Variants in AGBL4 observed in about 807,000 individuals in gnomAD.
The protein encoded by AGBL4 is AGBL carboxypeptidase 4.
Under a neutral mutation model 66.4 loss-of-function variants are expected in AGBL4, and 58 were observed. That is an observed-to-expected ratio of 0.87 (90% CI 0.71 to 1.09). The LOEUF (loss-of-function observed/expected upper bound fraction) is 1.09. Among genes scored for constraint, AGBL4 ranks in the 50% least tolerant of loss-of-function variants. The pLI is 0.00. For missense variants in AGBL4, 579 were observed against 631.0 expected, an observed-to-expected ratio of 0.92 and a Z score of 0.88; for synonymous variants, 234 against 222.9, an observed-to-expected ratio of 1.05 and a Z score of -0.44.
chr1:49,352,996 T>C (rs1272622685), intron 3 of AGBL4, among the ~76,000 whole-genome samples: 1 of 152,224 alleles, frequency 6.6e-6, no homozygotes, highest in African/African-American at 2.4e-5. Context: ...TCTAGGTGAC[T>C]GTGTCTCATT....
chr1:48,887,308 C>T (rs1015625137), intron 5 of AGBL4, among the ~76,000 whole-genome samples: 2 of 152,088 alleles, frequency 1.3e-5, no homozygotes, highest in African/African-American at 4.8e-5. Flanking sequence ...ATTTCTGAGA[C>T]AACTAAAACC....
intron 3 of AGBL4, among the ~76,000 whole-genome samples, chr1:49,440,215 G>A (rs901384063): frequency 1.3e-4 from 20 of 151,788 alleles, no homozygotes; most frequent in South Asian, 4.2e-4. Context: ...GATTATAGGC[G>A]CCCGCCACCA....
At chr1:49,523,907 A>G (rs993976353) in intron 3 of AGBL4, among the ~76,000 whole-genome samples, 4 of 152,026 alleles carry the variant, frequency 2.6e-5, no homozygotes, top group African/African-American at 9.7e-5. Flanking sequence ...CCAAATAGCA[A>G]GGGCCTCAGT....
At chr1:50,012,196 C>T (rs1045647471) in intron 1 of AGBL4, among the ~76,000 whole-genome samples, 4 of 148,770 alleles carry the variant, frequency 2.7e-5, no homozygotes, top group African/African-American at 7.4e-5. Context: ...AGAATGTTTA[C>T]CAGAGGCTGA....
rs181261796 is a variant in AGBL4 at position 49,814,895 on chromosome 1, T to C, written c.157+36501A>G. Among the ~76,000 whole-genome samples, 446 of 152,220 alleles carry C rather than the reference T, an allele frequency of 2.9e-3. 4 individuals carry two copies. The highest frequency in any genetic ancestry group is 0.016 in the South Asian group (78 of 4,826). On this transcript the variant is annotated intron_variant, in intron 2 of 13. Coordinates refer to ENST00000371839, the MANE Select transcript of AGBL4 (RefSeq NM_032785.4). ...TTAATTTTTATTTTTTGTGGGAACATAGTAGGTGTATATATTTATGGGGTA... is the reference window on the plus strand; with the variant it reads ...TTAATTTTTATTTTTTGTGGGAACACAGTAGGTGTATATATTTATGGGGTA...
chr1:49,970,896 T>C (rs1658028204), intron 1 of AGBL4, among the ~76,000 whole-genome samples: 1 of 152,166 alleles, frequency 6.6e-6, no homozygotes, highest in Admixed American at 6.5e-5. Context: ...CAAAGTTATA[T>C]AACTCCTTGA....
chr1:49,765,658 T>G (rs551674266), intron 2 of AGBL4, among the ~76,000 whole-genome samples: 69 of 151,726 alleles, frequency 4.5e-4, no homozygotes, highest in Non-Finnish European at 8.2e-4. Flanking sequence ...ACAAAGAAGC[T>G]AAGCAAGATC....
chr1:49,117,577 A>C (rs1645553901), intron 4 of AGBL4, among the ~76,000 whole-genome samples: 1 of 152,008 alleles, frequency 6.6e-6, no homozygotes, highest in African/African-American at 2.4e-5. Context: ...GCATTAGTCT[A>C]TATATCTGTT....
intron 1 of AGBL4, among the ~76,000 whole-genome samples, chr1:49,865,294 C>T (rs1646674086): frequency 6.6e-6 from 1 of 152,166 alleles, no homozygotes; most frequent in South Asian, 2.1e-4. Flanking sequence ...GATCCCGTGC[C>T]TCCTGACTGG....
chr1:48,936,244 C>G (rs755606057), intron 5 of AGBL4, among the ~76,000 whole-genome samples: 3 of 152,102 alleles, frequency 2.0e-5, no homozygotes, highest in Non-Finnish European at 4.4e-5. Context: ...GCCTGGGTGA[C>G]AAAGTGATAT....
intron 6 of AGBL4, among the ~76,000 whole-genome samples, chr1:48,830,308 C>A (rs1424810090): frequency 2.6e-5 from 4 of 152,194 alleles, no homozygotes; most frequent in African/African-American, 9.7e-5. Context: ...CTCCACAGCC[C>A]TGTGAAATAG....
At chr1:49,611,133 G>A (rs1645146677) in intron 3 of AGBL4, among the ~76,000 whole-genome samples, 1 of 152,046 alleles carries the variant, frequency 6.6e-6, no homozygotes, top group Non-Finnish European at 1.5e-5. Flanking sequence ...CGCTTTAAGA[G>A]AAAAGAAATA....
At chr1:48,963,409 G>A (rs763752959) in intron 5 of AGBL4, among the ~76,000 whole-genome samples, 9 of 152,064 alleles carry the variant, frequency 5.9e-5, no homozygotes, top group Non-Finnish European at 1.0e-4. Context: ...GATCAGCTGA[G>A]CAGCCTCACT....
At chr1:48,784,754 G>A (rs749405447) in intron 6 of AGBL4, among the ~76,000 whole-genome samples, 1 of 152,076 alleles carries the variant, frequency 6.6e-6, no homozygotes, top group Non-Finnish European at 1.5e-5. Context: ...AGCTCATGTG[G>A]GTCACAAATG....
At chr1:48,676,663 G>A (rs1238141772) in intron 6 of AGBL4, among the ~76,000 whole-genome samples, 3 of 152,182 alleles carry the variant, frequency 2.0e-5, no homozygotes, top group African/African-American at 4.8e-5. Context: ...GCCCTCCCTG[G>A]TGAACCATCC....
rs150209705 is a variant in AGBL4, at chr1:48,759,029, G to A, written c.635-95788C>T. ...TGTTGTACCAGCTGCCTCCGAGTCC[G>A]CTCCAGCTCCTGCTGGAGGTGGCGC... is the stretch of plus-strand genomic sequence containing the variant. On this transcript the variant is annotated intron_variant, in intron 6 of 13. Transcript: ENST00000371839. The A allele has an allele frequency of 1.7e-5, 27 of 1,613,848 alleles. No individual in the cohort carries two copies. The African/African-American group carries it at 1.9e-4, about 11-fold the overall frequency.
At chr1:48,581,342 T>C (rs528692104) in intron 11 of AGBL4, among the ~76,000 whole-genome samples, 4 of 152,132 alleles carry the variant, frequency 2.6e-5, no homozygotes, top group African/African-American at 7.2e-5. Context: ...GCCATACCCT[T>C]CCCCTTAAGA....
intron 4 of AGBL4, among the ~76,000 whole-genome samples, chr1:49,137,652 G>A (rs1056991403): frequency 2.6e-5 from 4 of 152,136 alleles, no homozygotes; most frequent in East Asian, 1.9e-4. Flanking sequence ...ATAGGCTACC[G>A]AGTAGTCAAA....
intron 3 of AGBL4, among the ~76,000 whole-genome samples, chr1:49,655,149 G>A (rs573654733): frequency 6.6e-6 from 1 of 152,056 alleles, no homozygotes; most frequent in Admixed American, 6.6e-5. Context: ...AAATCTCTCA[G>A]CATTTGCTTG....
Sources: allele counts gnomAD v4.1 joint callset (sites outside exome capture counted in the v4.1 genomes callset), GRCh38; gene constraint gnomAD v4.1.1; transcripts MANE v1.5; gene names NCBI Gene and HGNC (gene_info 2026-07-23, HGNC 2026-07-21).